The following KLHL29 variants were observed in gnomAD, a reference collection of about 807,000 sequenced individuals.
KLHL29 encodes the protein kelch like family member 29, also known as kelch-like protein 29.
Under a neutral mutation model 80.4 loss-of-function variants are expected in KLHL29, and 21 were observed. The observed-to-expected ratio is 0.26, with a 90% CI of 0.19 to 0.38. KLHL29 has a LOEUF of 0.38. KLHL29 is among the 10% of genes least tolerant of loss of function. The pLI is 1.00. For missense variants in KLHL29, 867 were observed against 1,223.9 expected (o/e 0.71, Z 4.35); for synonymous variants, 511 against 526.8 (o/e 0.97, Z 0.41).
At chr2:23,413,080 G>A (rs905070060) in intron 1 of KLHL29, among the ~76,000 whole-genome samples, 4 of 152,150 alleles carry the variant, frequency 2.6e-5, no homozygotes, top group African/African-American at 9.7e-5. Context: ...ATTTCATCCG[G>A]TGGAAAGGTG....
chr2:23,638,949 G>A (rs1235886258), intron 3 of KLHL29, among the ~76,000 whole-genome samples, 190 bp from the exon 4 acceptor site: 1 of 152,172 alleles, frequency 6.6e-6, no homozygotes, highest in African/African-American at 2.4e-5. Context: ...CTACTACTAT[G>A]GCAGAACCCC....
At chr2:23,563,521 A>ATG (rs904762837) in intron 3 of KLHL29, among the ~76,000 whole-genome samples, 1 of 152,178 alleles carries the variant, frequency 6.6e-6, no homozygotes, top group African/African-American at 2.4e-5. Flanking sequence ...GTGTGTGCAC[A>ATG]TGTGTGTGTG....
At chr2:23,568,424 A>G (rs1667642102) in intron 3 of KLHL29, among the ~76,000 whole-genome samples, 2 of 152,068 alleles carry the variant, frequency 1.3e-5, no homozygotes, top group East Asian at 3.9e-4. Flanking sequence ...TAGGTTGGCT[A>G]GTGGCTGGAT....
intron 3 of KLHL29, among the ~76,000 whole-genome samples, chr2:23,573,622 G>A (rs1415047659): frequency 6.6e-6 from 1 of 152,198 alleles, no homozygotes; most frequent in East Asian, 1.9e-4. Flanking sequence ...GCTCATCAGG[G>A]TTTGAAACAA....
intron 3 of KLHL29, among the ~76,000 whole-genome samples, chr2:23,601,579 C>G (rs1391381189): frequency 1.3e-5 from 2 of 152,154 alleles, no homozygotes; most frequent in Admixed American, 1.3e-4. Context: ...GAGAGCTTAG[C>G]CATGCACCCA....
At chr2:23,472,040 C>T (rs1429861689) in intron 1 of KLHL29, among the ~76,000 whole-genome samples, 2 of 131,686 alleles carry the variant, frequency 1.5e-5, no homozygotes, top group Non-Finnish European at 3.1e-5. Context: ...AGTCAAGGAT[C>T]GTTTATACAC....
chr2:23,453,161 A>C (rs6544857), intron 1 of KLHL29, among the ~76,000 whole-genome samples: 51,992 of 151,626 alleles, frequency 0.34, 9,174 homozygotes, highest in South Asian at 0.44. Flanking sequence ...GTCTATGCCT[A>C]CGATGTTCTT....
chr2:23,664,325 T>C (rs1216486252), intron 5 of KLHL29, among the ~76,000 whole-genome samples: 1 of 152,228 alleles, frequency 6.6e-6, no homozygotes, highest in East Asian at 1.9e-4. Flanking sequence ...TGGGACTCTG[T>C]CCAGGTGTCT....
At chr2:23,674,095 G>A (rs1358414463) in intron 5 of KLHL29, among the ~76,000 whole-genome samples, 5 of 152,142 alleles carry the variant, frequency 3.3e-5, no homozygotes, top group African/African-American at 1.2e-4. Context: ...CCTCCTCGGT[G>A]CCACCTCTGC....
chr2:23,696,270 G>T lies in KLHL29; in HGVS notation c.1925-63G>T, dbSNP rs1238410672. The T allele has an allele frequency of 3.0e-5, 45 of 1,513,864 alleles. No individual in the cohort carries two copies. Among genetic ancestry groups the T allele is most frequent in the Non-Finnish European group, 3.9e-5 (43 of 1,116,414 alleles). The allele number at this position is 1,513,864 out of a possible 1,614,324, so 93.8% of individuals were successfully genotyped here. On this transcript the variant is annotated intron_variant, in intron 10 of 13. Coordinates refer to ENST00000486442, the MANE Select transcript of KLHL29 (RefSeq NM_052920.2). The surrounding 1 kb of genome is among the most constrained non-coding windows in gnomAD (Gnocchi z 5.5). ...AGCCTTCCTCTGCCCCTGGGGCTGG[G>T]CCTGCTGACCCCAGGCCCCTCCTCA... is the stretch of plus-strand genomic sequence containing the variant.
chr2:23,628,175 G>T (rs974703969), intron 3 of KLHL29, among the ~76,000 whole-genome samples: 23 of 152,150 alleles, frequency 1.5e-4, no homozygotes, highest in Non-Finnish European at 1.9e-4. Context: ...CTCCCAAAGG[G>T]CTGGGATTAC....
intron 1 of KLHL29, among the ~76,000 whole-genome samples, chr2:23,468,510 A>G (rs1317078776): frequency 6.6e-6 from 1 of 152,158 alleles, no homozygotes; most frequent in Non-Finnish European, 1.5e-5. Flanking sequence ...TCAAGAGGCC[A>G]TGCCCTAAAG....
intron 1 of KLHL29, among the ~76,000 whole-genome samples, chr2:23,410,563 G>T (rs973744616): frequency 9.2e-5 from 14 of 152,238 alleles, no homozygotes; most frequent in African/African-American, 2.6e-4. Context: ...GGAGACATCA[G>T]GGCCAGAGAC....
intron 1 of KLHL29, among the ~76,000 whole-genome samples, chr2:23,445,274 A>G (rs983188078): frequency 1.3e-5 from 2 of 152,128 alleles, no homozygotes; most frequent in African/African-American, 4.8e-5. Context: ...CCATTTTGCT[A>G]GTTTTTTTTC....
chr2:23,475,282 G>A lies in KLHL29; in HGVS notation c.-153-278G>A, dbSNP rs1012420827. Among the ~76,000 whole-genome samples, 14 of 147,496 alleles carry A rather than the reference G, an allele frequency of 9.5e-5. No homozygotes were observed. In the South Asian group the frequency reaches 1.3e-3, roughly 13 times the overall value. On this transcript the variant is annotated intron_variant, in intron 1 of 13. Coordinates refer to ENST00000486442, the MANE Select transcript of KLHL29 (RefSeq NM_052920.2). ...GGCTGTGTGTATTCGGAGGATGGGC[G>A]GGGGATGCCTCATATCTGCCACTCG... is the stretch of plus-strand genomic sequence containing the variant.
At chr2:23,535,207 C>T (rs1258093254) in intron 2 of KLHL29, among the ~76,000 whole-genome samples, 1 of 152,266 alleles carries the variant, frequency 6.6e-6, no homozygotes, top group Non-Finnish European at 1.5e-5. Flanking sequence ...CAGCATGGCA[C>T]AGGATTGCTC....
Position 23,414,401 on chromosome 2 carries a change from C to T in KLHL29, c.-154+28621C>T, listed in dbSNP as rs1292001521. Among the ~76,000 whole-genome samples, 10 of 152,296 alleles carry T rather than the reference C, an allele frequency of 6.6e-5. 1 individual carries two copies. The highest frequency in any genetic ancestry group is 3.3e-4 in the Admixed American group (5 of 15,302). On this transcript the variant is annotated intron_variant, in intron 1 of 13. Transcript: ENST00000486442. ...GTGGGAGAAAGAGATGTCTCCATCCCGTCTCAGAAAGGAAATTGTTAAAAG... is the reference window on the plus strand; with the variant it reads ...GTGGGAGAAAGAGATGTCTCCATCCTGTCTCAGAAAGGAAATTGTTAAAAG...
At chr2:23,650,582 C>G (rs1039299553) in intron 5 of KLHL29, among the ~76,000 whole-genome samples, 2 of 152,190 alleles carry the variant, frequency 1.3e-5, no homozygotes, top group African/African-American at 4.8e-5. Context: ...ATCTCTGAGG[C>G]CATACTGGTC....
intron 5 of KLHL29, among the ~76,000 whole-genome samples, chr2:23,649,498 G>T (rs572107355): frequency 5.3e-5 from 8 of 152,170 alleles, no homozygotes; most frequent in Non-Finnish European, 8.8e-5. Flanking sequence ...CGCAGAGGCC[G>T]CTGGACCACC....
Sources: gnomAD v4.1 joint callset for allele counts (sites outside exome capture counted in the v4.1 genomes callset) on GRCh38, gnomAD v4.1.1 for gene constraint, Gnocchi (gnomAD v3.1) non-coding constraint, MANE v1.5 for transcripts, NCBI Gene and HGNC (gene_info 2026-07-23, HGNC 2026-07-21) for gene names.